NAALADL2: variants seen among roughly 807,000 people sequenced by gnomAD.
NAALADL2 encodes N-acetylated alpha-linked acidic dipeptidase like 2.
A neutral mutation model predicts 87.2 loss-of-function variants in NAALADL2; 76 were observed. The ratio of observed to expected loss-of-function variants is 0.87; its 90% CI spans 0.72 to 1.05. The LOEUF (loss-of-function observed/expected upper bound fraction) is 1.05, where lower values mean the gene tolerates loss of function less well. Ranked by LOEUF, NAALADL2 falls within the 50% of genes least tolerant of loss-of-function variation. The probability of loss-of-function intolerance (pLI) is 0.00; values close to 1 mark genes in which losing one functional copy is unlikely to be tolerated. For synonymous variants in NAALADL2, 354 were observed against 331.0 expected, an observed-to-expected ratio of 1.07 and a Z score of -0.75; for missense variants, 1,089 against 945.8, an observed-to-expected ratio of 1.15 and a Z score of -1.99.
intron 1 of NAALADL2, among the ~76,000 whole-genome samples, chr3:175,004,003 C>A (rs190636344): frequency 7.9e-5 from 12 of 152,274 alleles, no homozygotes; most frequent in Admixed American, 3.9e-4. Flanking sequence ...CTAGTGGACC[C>A]AGTTCCAGGA....
At chr3:175,216,902 C>T (rs1028291315) in intron 2 of NAALADL2, among the ~76,000 whole-genome samples, 4 of 151,962 alleles carry the variant, frequency 2.6e-5, no homozygotes, top group African/African-American at 7.2e-5. Flanking sequence ...CTCCTGACCT[C>T]GTGATCTGCC....
chr3:175,148,265 C>T lies in NAALADL2; in HGVS notation c.545+50974C>T, dbSNP rs902231205. ...TATGTCTTATTTTGAGAAGTGTCTG[C>T]TCATTTTTTGCCTACTTTTTAATGG... On this transcript the variant is annotated intron_variant, in intron 2 of 13. Transcript: ENST00000454872. Among the ~76,000 whole-genome samples, 20 of 151,618 alleles carry T rather than the reference C, an allele frequency of 1.3e-4. 1 individual carries two copies. Among genetic ancestry groups the T allele is most frequent in the Admixed American group, 9.2e-4 (14 of 15,188 alleles).
chr3:175,082,520 A>G (rs1339351488), intron 1 of NAALADL2, among the ~76,000 whole-genome samples: 1 of 152,176 alleles, frequency 6.6e-6, no homozygotes, highest in Non-Finnish European at 1.5e-5. Context: ...AGTTTTACTT[A>G]TGGCAATTTT....
intron 9 of NAALADL2, among the ~76,000 whole-genome samples, chr3:175,493,707 A>G (rs2149350973): frequency 6.6e-6 from 1 of 152,278 alleles, no homozygotes; most frequent in East Asian, 1.9e-4. Context: ...GTCGATGTCT[A>G]TAATAGTCAC....
chr3:175,283,483 C>A (rs187862199), intron 4 of NAALADL2, among the ~76,000 whole-genome samples: 5 of 152,176 alleles, frequency 3.3e-5, no homozygotes, highest in Admixed American at 3.3e-4. Context: ...AGTTTTCTTC[C>A]TTCTGTTGGG....
chr3:174,759,105 TA>T (rs2109064693), intron 3 of NAALADL2, among the ~76,000 whole-genome samples: 1 of 152,330 alleles, frequency 6.6e-6, no homozygotes, highest in Admixed American at 6.5e-5. Flanking sequence ...AATTTAGAAT[TA>T]ACTAGAAGAA....
intron 11 of NAALADL2, chr3:175,718,194 G>GTTT: frequency 9.7e-7 from 1 of 1,034,870 alleles, no homozygotes; most frequent in Non-Finnish European, 1.3e-6. Context: ...AAGGGCCTGT[G>GTTT]GTTTTTTTTT....
At chr3:175,013,967 G>A (rs1750497476) in intron 1 of NAALADL2, among the ~76,000 whole-genome samples, 1 of 152,102 alleles carries the variant, frequency 6.6e-6, no homozygotes, top group Non-Finnish European at 1.5e-5. Context: ...ATCAGTCATA[G>A]GGTCACACTC....
At chr3:174,771,663 A>T (rs1271575627) in intron 3 of NAALADL2, among the ~76,000 whole-genome samples, 2 of 152,210 alleles carry the variant, frequency 1.3e-5, no homozygotes, top group African/African-American at 4.8e-5. Flanking sequence ...CACACAAACT[A>T]GACCCAAAAG....
At chr3:175,167,335 C>T (rs1009523140) in intron 2 of NAALADL2, among the ~76,000 whole-genome samples, 1 of 152,066 alleles carries the variant, frequency 6.6e-6, no homozygotes, top group South Asian at 2.1e-4. Context: ...TATTATGTCA[C>T]TCCTCTGCTT....
At chr3:175,413,855 G>T (rs1714086932) in intron 5 of NAALADL2, among the ~76,000 whole-genome samples, 1 of 152,074 alleles carries the variant, frequency 6.6e-6, no homozygotes, top group Admixed American at 6.6e-5. Flanking sequence ...AAAAAATAAG[G>T]TGCAAGCATG....
chr3:174,704,496 A>T (rs1322859603), intron 2 of NAALADL2, among the ~76,000 whole-genome samples: 1 of 152,194 alleles, frequency 6.6e-6, no homozygotes, highest in African/African-American at 2.4e-5. Context: ...ATTATTAATT[A>T]TAAATTCATG....
intron 9 of NAALADL2, among the ~76,000 whole-genome samples, chr3:175,516,775 A>G (rs147734497): frequency 3.9e-5 from 6 of 152,336 alleles, no homozygotes; most frequent in African/African-American, 1.2e-4. Context: ...AAATATAGCC[A>G]TAAGAGGACT....
At chr3:175,023,147 A>G (rs1290835351) in intron 1 of NAALADL2, among the ~76,000 whole-genome samples, 1 of 152,108 alleles carries the variant, frequency 6.6e-6, no homozygotes, top group African/African-American at 2.4e-5. Context: ...ACAAAAGACC[A>G]CTCTGGACAC....
At chr3:175,575,341 A>G (rs1170022671) in intron 9 of NAALADL2, among the ~76,000 whole-genome samples, 1 of 151,976 alleles carries the variant, frequency 6.6e-6, no homozygotes, top group African/African-American at 2.4e-5. Flanking sequence ...CTGGAGTGCA[A>G]TGGTACACTC....
intron 13 of NAALADL2, among the ~76,000 whole-genome samples, chr3:175,784,320 A>G (rs1751589969): frequency 6.6e-6 from 1 of 152,110 alleles, no homozygotes; most frequent in Non-Finnish European, 1.5e-5. Flanking sequence ...TCGGCTGTGA[A>G]TCCATCTGGT....
chr3:174,716,420 A>G (rs1731194846), intron 2 of NAALADL2, among the ~76,000 whole-genome samples: 1 of 139,918 alleles, frequency 7.1e-6, no homozygotes, highest in Non-Finnish European at 1.5e-5. Flanking sequence ...ACAGGGTTCC[A>G]AATATGATAA....
chr3:175,775,493 G>T (rs1750101755), intron 13 of NAALADL2, among the ~76,000 whole-genome samples: 1 of 151,950 alleles, frequency 6.6e-6, no homozygotes, highest in Non-Finnish European at 1.5e-5. Context: ...CAAACAAACT[G>T]CTATTTGCTT....
At chr3:174,529,815 G>A (rs191889313) in intron 1 of NAALADL2, among the ~76,000 whole-genome samples, 9 of 152,178 alleles carry the variant, frequency 5.9e-5, no homozygotes, top group South Asian at 2.1e-4. Flanking sequence ...GCAGGGACAC[G>A]GCATCAAATC....
Sources: allele counts gnomAD v4.1 joint callset (sites outside exome capture counted in the v4.1 genomes callset), GRCh38; gene constraint gnomAD v4.1.1; transcripts MANE v1.5; gene names NCBI Gene and HGNC (gene_info 2026-07-23, HGNC 2026-07-21).